Variants in KIDINS220 observed in about 807,000 individuals in gnomAD.
KIDINS220 encodes the protein kinase D-interacting substrate of 220 kDa.
In KIDINS220, 63 loss-of-function variants were observed where a neutral mutation model predicts 157.6. That is an observed-to-expected ratio of 0.40 (90% CI 0.33 to 0.49). The LOEUF (loss-of-function observed/expected upper bound fraction) is 0.49, where lower values mean the gene tolerates loss of function less well. Among genes scored for constraint, KIDINS220 ranks in the 20% least tolerant of loss-of-function variants. KIDINS220 has a pLI of 0.66. For missense variants in KIDINS220, 1,772 were observed against 2,171.2 expected (o/e 0.82, Z 3.65); for synonymous variants, 732 against 783.6 (o/e 0.93, Z 1.10).
chr2:8,786,104 C>T, intron 16 of KIDINS220, 74 bp from the exon 17 acceptor site: 1 of 1,555,810 alleles, frequency 6.4e-7, no homozygotes, highest in South Asian at 1.2e-5. Context: ...AGTCACAATA[C>T]CTGATGAGTC....
intron 9 of KIDINS220, 182 bp downstream of exon 9, chr2:8,800,218 C>T (rs1490084906): frequency 2.9e-5 from 14 of 479,018 alleles, no homozygotes; most frequent in East Asian, 1.3e-4. Context: ...ACATTTAACT[C>T]GACATTAATA....
At chr2:8,825,001 G>A (rs542866778) in intron 2 of KIDINS220, among the ~76,000 whole-genome samples, 7 of 152,224 alleles carry the variant, frequency 4.6e-5, no homozygotes, top group African/African-American at 1.7e-4. Context: ...AAGTAAAACG[G>A]TCACTGCCAG....
intron 16 of KIDINS220, 23 bp downstream of exon 16, chr2:8,786,183 A>G: frequency 6.2e-7 from 1 of 1,613,640 alleles, no homozygotes; most frequent in Non-Finnish European, 8.5e-7. Context: ...TTACACACAA[A>G]GAAGGAAGGA....
chr2:8,747,485 A>C (rs1666747348), intron 25 of KIDINS220: 1 of 491,834 alleles, frequency 2.0e-6, no homozygotes, highest in African/African-American at 1.9e-5. Context: ...ATTTGATTGA[A>C]ATGTTCTTCC....
intron 13 of KIDINS220, among the ~76,000 whole-genome samples, chr2:8,790,689 G>C (rs1174731306): frequency 2.0e-5 from 3 of 152,204 alleles, no homozygotes; most frequent in African/African-American, 7.2e-5. Context: ...CTAAGGAGCT[G>C]CTAATAGAGG....
At chr2:8,753,376 C>T (rs985178497) in intron 22 of KIDINS220, among the ~76,000 whole-genome samples, 1 of 152,066 alleles carries the variant, frequency 6.6e-6, no homozygotes, top group African/African-American at 2.4e-5. Context: ...GCAAGGTTTG[C>T]TGTGAAGTTA....
Position 8,734,717 on chromosome 2 carries a change from T to A in KIDINS220, c.3754A>T (p.Ile1252Phe). The change falls in exon 28 of 30, where the codon ATT (isoleucine) becomes TTT (phenylalanine). Residue 1252 changes from isoleucine (I) to phenylalanine (F), a missense_variant. By Grantham distance (21) the Ile-to-Phe change is conservative (BLOSUM62 0). Around this residue, in one of 3 missense-constraint regions of KIDINS220, gnomAD observed 793 missense variants for 885.5 expected, o/e 0.90. Coordinates refer to ENST00000256707, the MANE Select transcript of KIDINS220 (RefSeq NM_020738.4). The stretch of plus-strand genomic sequence containing the variant: ...TTCATCTCTTTCTTCAGCTCATCAA[T>A]GTTACACTGAGCTAACACACGGCCA... Reference protein sequence around the residue: ...INGRVLAQCNIDELKKEMNMN... With the variant: ...INGRVLAQCNFDELKKEMNMN... 3.7e-6 allele frequency: 6 copies of A among 1,613,582 alleles called. No homozygotes were observed. The highest frequency in any genetic ancestry group is 5.1e-6 in the Non-Finnish European group (6 of 1,179,786).
intron 6 of KIDINS220, among the ~76,000 whole-genome samples, chr2:8,809,083 A>G (rs1675922166): frequency 2.6e-5 from 4 of 152,108 alleles, no homozygotes; most frequent in African/African-American, 9.7e-5. Flanking sequence ...CAGTGGCACA[A>G]TCTCAGCTCA....
At chr2:8,732,560 G>C (rs1664270796) in intron 29 of KIDINS220, among the ~76,000 whole-genome samples, 1 of 152,176 alleles carries the variant, frequency 6.6e-6, no homozygotes, top group Non-Finnish European at 1.5e-5. Context: ...TTTAGAATTA[G>C]AATTTGCTTC....
At position 8,837,564 on chromosome 2, in the gene KIDINS220, G is replaced by T. The variant is rs1013155513; in HGVS notation, c.-121C>A. The T allele has an allele frequency of 6.6e-6, 1 of 152,294 alleles. No homozygotes were observed. The highest frequency in any genetic ancestry group is 6.5e-5 in the Admixed American group (1 of 15,290). 9.4% of individuals were successfully genotyped at this position (152,294 alleles called of 1,614,324 possible). ...GAAGCAAGAGACGGCGACTGCAAGC[G>T]CGTCGCCCTCACCACACCCGGCGGC... On this transcript the variant is annotated 5_prime_UTR_variant, in exon 1 of 30. Coordinates refer to ENST00000256707, the MANE Select transcript of KIDINS220 (RefSeq NM_020738.4).
chr2:8,776,866 CT>C lies in KIDINS220; in HGVS notation c.2729del (p.Gln910ArgfsTer30). 1 of 1,613,888 alleles carries C rather than the reference CT, an allele frequency of 6.2e-7. No individual in the cohort carries two copies. Among genetic ancestry groups the C allele is most frequent in the Non-Finnish European group, 8.5e-7 (1 of 1,179,920 alleles). ...AGGACATCTGGCGAGTGATGGTCCT[CT>C]GCATCTGCCTTCTTCGGTAAGTGTC... ...RRDTYRRRQM[Q>X]RTITRQMSFD... On this transcript the variant is annotated frameshift_variant, in exon 21 of 30. Coordinates refer to ENST00000256707, the MANE Select transcript of KIDINS220 (RefSeq NM_020738.4). LOFTEE classifies it high-confidence loss of function.
chr2:8,797,899 G>C (rs1674186905), intron 10 of KIDINS220, among the ~76,000 whole-genome samples: 1 of 152,184 alleles, frequency 6.6e-6, no homozygotes, highest in Non-Finnish European at 1.5e-5. Context: ...CCCCACAAAG[G>C]AATGTGTTCA....
intron 6 of KIDINS220, among the ~76,000 whole-genome samples, chr2:8,809,910 G>C (rs1419797931): frequency 2.6e-5 from 4 of 152,080 alleles, no homozygotes; most frequent in Non-Finnish European, 4.4e-5. Context: ...CTACAGGCCA[G>C]ATGTCCAAGC....
At chr2:8,762,134 T>C (rs567710307) in intron 22 of KIDINS220, among the ~76,000 whole-genome samples, 17 of 151,592 alleles carry the variant, frequency 1.1e-4, no homozygotes, top group African/African-American at 3.9e-4. Flanking sequence ...TAAACATGTA[T>C]TTCTTACATA....
At chr2:8,807,289 G>A (rs952948553) in intron 6 of KIDINS220, among the ~76,000 whole-genome samples, 9 of 152,234 alleles carry the variant, frequency 5.9e-5, no homozygotes, top group African/African-American at 2.2e-4. Context: ...TAGCCACATT[G>A]CCTGCCTCTG....
intron 22 of KIDINS220, among the ~76,000 whole-genome samples, chr2:8,765,920 T>C (rs1299838525): frequency 6.6e-6 from 1 of 152,144 alleles, no homozygotes; most frequent in East Asian, 1.9e-4. Flanking sequence ...TTCTGAACTT[T>C]TCATTTACCT....
chr2:8,727,049 C>T, downstream of KIDINS220: 1 of 997,592 alleles, frequency 1.0e-6, no homozygotes. Context: ...AAAAACTATC[C>T]AGTGCTGGCT....
intron 2 of KIDINS220, 111 bp from the exon 3 acceptor site, chr2:8,818,904 T>C: frequency 2.0e-6 from 1 of 496,576 alleles, no homozygotes; most frequent in Non-Finnish European, 3.6e-6. Context: ...CATTGTTTAG[T>C]TGTGTTTACT....
At chr2:8,804,004 C>T (rs545123928) in intron 7 of KIDINS220, among the ~76,000 whole-genome samples, 1 of 152,334 alleles carries the variant, frequency 6.6e-6, no homozygotes, top group African/African-American at 2.4e-5. Context: ...CATTCTCCCA[C>T]ATATTAAAAT....
Sources: allele counts gnomAD v4.1 joint callset (sites outside exome capture counted in the v4.1 genomes callset), GRCh38; gene constraint gnomAD v4.1.1; regional missense constraint gnomAD v4.1.1; transcripts MANE v1.5; gene names NCBI Gene and HGNC (gene_info 2026-07-23, HGNC 2026-07-21).